The following BBS9 variants were observed in gnomAD, a reference collection of about 807,000 sequenced individuals.
BBS9 encodes the protein Bardet-Biedl syndrome 9, also known as protein PTHB1.
BBS9 carries 89 observed loss-of-function variants against 117.7 expected under a neutral mutation model. The observed-to-expected ratio is 0.76, with a 90% CI of 0.64 to 0.90. The LOEUF is 0.90. BBS9 is among the 40% of genes least tolerant of loss of function. The probability of loss-of-function intolerance (pLI) is 0.00; values close to 1 mark genes in which losing one functional copy is unlikely to be tolerated. For synonymous variants in BBS9, 379 were observed against 370.9 expected, an observed-to-expected ratio of 1.02 and a Z score of -0.25; for missense variants, 982 against 1,042.2, an observed-to-expected ratio of 0.94 and a Z score of 0.80.
At chr7:33,486,429 T>C (rs1181404401) in intron 19 of BBS9, among the ~76,000 whole-genome samples, 1 of 152,224 alleles carries the variant, frequency 6.6e-6, no homozygotes, top group Non-Finnish European at 1.5e-5. Context: ...TGTAAAGAAA[T>C]TAAATTTGTT....
At chr7:33,592,895 T>TATTTC (rs1171994356) in intron 21 of BBS9, among the ~76,000 whole-genome samples, 3 of 152,140 alleles carry the variant, frequency 2.0e-5, no homozygotes, top group Admixed American at 1.3e-4. Flanking sequence ...ATGCTCTTAC[T>TATTTC]ATTTCATTTC....
intron 5 of BBS9, among the ~76,000 whole-genome samples, chr7:33,185,658 C>T (rs1798710103): frequency 6.6e-6 from 1 of 152,068 alleles, no homozygotes; most frequent in Non-Finnish European, 1.5e-5. Context: ...TGGAAAGCTT[C>T]CCTGGAGTTG....
At chr7:33,501,084 C>T (rs992841447) in intron 19 of BBS9, among the ~76,000 whole-genome samples, 1 of 152,196 alleles carries the variant, frequency 6.6e-6, no homozygotes, top group South Asian at 2.1e-4. Flanking sequence ...ACATCTTGCT[C>T]AGCCAGTGAT....
At chr7:33,251,314 A>G (rs1796183796) in intron 5 of BBS9, among the ~76,000 whole-genome samples, 2 of 152,142 alleles carry the variant, frequency 1.3e-5, no homozygotes, top group Non-Finnish European at 2.9e-5. Flanking sequence ...TCCAGCTCAA[A>G]TTAGGGAGTT....
intron 17 of BBS9, among the ~76,000 whole-genome samples, chr7:33,372,727 T>A (rs1823095826): frequency 6.6e-6 from 1 of 152,158 alleles, no homozygotes; most frequent in East Asian, 1.9e-4. Context: ...TGAGTAGAAT[T>A]GTTATTAGTT....
intron 21 of BBS9, among the ~76,000 whole-genome samples, chr7:33,535,469 A>G (rs894120450): frequency 2.0e-5 from 3 of 152,204 alleles, no homozygotes; most frequent in Non-Finnish European, 2.9e-5. Flanking sequence ...TCAACTATAC[A>G]TAGGTAGAAG....
chr7:33,550,597 T>G (rs1441295184), intron 21 of BBS9, among the ~76,000 whole-genome samples: 3 of 152,132 alleles, frequency 2.0e-5, no homozygotes, highest in African/African-American at 7.2e-5. Flanking sequence ...TTTAGAACTG[T>G]CATGCTGAAT....
intron 21 of BBS9, among the ~76,000 whole-genome samples, chr7:33,550,677 T>C (rs1854272333): frequency 6.6e-6 from 1 of 152,146 alleles, no homozygotes; most frequent in Non-Finnish European, 1.5e-5. Context: ...CTAAAAACAA[T>C]TTTAGTGTGT....
intron 7 of BBS9, among the ~76,000 whole-genome samples, chr7:33,270,127 C>A (rs900191164): frequency 6.6e-6 from 1 of 151,534 alleles, no homozygotes; most frequent in South Asian, 2.1e-4. Flanking sequence ...CACTTTGAAA[C>A]CAAAGGCAAG....
At chr7:33,135,791 T>A (rs1269862794) in intron 1 of BBS9, among the ~76,000 whole-genome samples, 1 of 152,218 alleles carries the variant, frequency 6.6e-6, no homozygotes, top group South Asian at 2.1e-4. Context: ...CCTAACAATA[T>A]TGAGTCTTCA....
intron 21 of BBS9, among the ~76,000 whole-genome samples, chr7:33,578,744 C>G (rs1859375516): frequency 6.6e-6 from 1 of 152,182 alleles, no homozygotes; most frequent in African/African-American, 2.4e-5. Flanking sequence ...CTCATCGTCA[C>G]AGCTGTGTTC....
intron 21 of BBS9, among the ~76,000 whole-genome samples, chr7:33,562,820 A>C (rs1856289557): frequency 6.6e-6 from 1 of 152,136 alleles, no homozygotes; most frequent in Non-Finnish European, 1.5e-5. Flanking sequence ...GCTACTCGGG[A>C]AGCTGAGGCA....
intron 5 of BBS9, among the ~76,000 whole-genome samples, chr7:33,229,043 TTTAAC>T (rs1226943929): frequency 6.6e-6 from 1 of 152,188 alleles, no homozygotes; most frequent in African/African-American, 2.4e-5. Context: ...CTTTATTTAT[TTTAAC>T]TTTCAAAAGT....
rs1797496554 is a variant in BBS9 at position 33,177,486 on chromosome 7, G to A, written c.337G>A (p.Gly113Ser). The change falls in exon 5 of 23, where the codon GGT becomes AGT. Residue 113 changes from glycine (G) to serine (S), a missense_variant. Gly to Ser is a moderately conservative substitution (Grantham distance 56, BLOSUM62 0). Transcript: ENST00000242067. ...TTTTTTTTTTTCCTTAGGAACCTTG[G>A]GTAATGTGGAACATGGGAACCAATG... is the stretch of plus-strand genomic sequence containing the variant. ...LCVYSVSGTL[G>S]NVEHGNQCQM... 3.1e-6 allele frequency: 5 copies of A among 1,608,248 alleles called. No individual in the cohort carries two copies. The highest frequency in any genetic ancestry group is 4.3e-6 in the Non-Finnish European group (5 of 1,176,314).
At chr7:33,565,884 T>C (rs1167599153) in intron 21 of BBS9, among the ~76,000 whole-genome samples, 1 of 124,412 alleles carries the variant, frequency 8.0e-6, no homozygotes, top group Non-Finnish European at 1.7e-5. Flanking sequence ...ATAAATAAAT[T>C]AGGATACCTC....
chr7:33,174,901 C>T (rs1797109921), intron 4 of BBS9, among the ~76,000 whole-genome samples: 1 of 152,228 alleles, frequency 6.6e-6, no homozygotes, highest in Admixed American at 6.5e-5. Context: ...AGCTTCCTGG[C>T]ACCTCAATGA....
At chr7:33,615,503 G>A (rs1258027133) in intron 21 of BBS9, among the ~76,000 whole-genome samples, 1 of 151,958 alleles carries the variant, frequency 6.6e-6, no homozygotes, top group Non-Finnish European at 1.5e-5. Context: ...GAATTTCTGA[G>A]TTTGAGGATA....
intron 5 of BBS9, among the ~76,000 whole-genome samples, chr7:33,184,512 T>C (rs1798546903): frequency 6.6e-6 from 1 of 152,228 alleles, no homozygotes; most frequent in Non-Finnish European, 1.5e-5. Context: ...CTTCCTAAGT[T>C]GGGTCTCGAA....
chr7:33,428,276 G>A (rs1833923074), intron 19 of BBS9, among the ~76,000 whole-genome samples: 1 of 152,166 alleles, frequency 6.6e-6, no homozygotes, highest in Non-Finnish European at 1.5e-5. Flanking sequence ...TTTGACAGGT[G>A]TGGTTCTAGG....
Sources: allele counts gnomAD v4.1 joint callset (sites outside exome capture counted in the v4.1 genomes callset), GRCh38; gene constraint gnomAD v4.1.1; transcripts MANE v1.5; gene names NCBI Gene and HGNC (gene_info 2026-07-23, HGNC 2026-07-21).